BICRA: variants seen among roughly 807,000 people sequenced by gnomAD.
BICRA encodes the protein BRD4-interacting chromatin-remodeling complex-associated protein.
A neutral mutation model predicts 96.9 loss-of-function variants in BICRA; 31 were observed. The ratio of observed to expected loss-of-function variants is 0.32; its 90% confidence interval spans 0.24 to 0.43. The LOEUF is 0.43. Ranked by LOEUF, BICRA falls within the 20% of genes least tolerant of loss-of-function variation. The pLI is 1.00. For missense variants in BICRA, 2,283 were observed against 2,190.3 expected, an observed-to-expected ratio of 1.04 and a Z score of -0.84; for synonymous variants, 1,350 against 1,071.8, an observed-to-expected ratio of 1.26 and a Z score of -5.07.
In BICRA at chr19:47,702,262, C is replaced by G; in HGVS notation, c.4530C>G (p.Asn1510Lys). The G allele has an allele frequency of 6.3e-7, 1 of 1,597,890 alleles. No individual in the cohort carries two copies. Among genetic ancestry groups the G allele is most frequent in the Non-Finnish European group, 8.5e-7 (1 of 1,177,572 alleles). Residue 1510 changes from asparagine to lysine, a missense_variant, in exon 15 of 15, where the codon AAC becomes AAG. Physicochemically the swap from Asn to Lys is moderately conservative, Grantham distance 94 (BLOSUM62 0). Coordinates refer to ENST00000594866, the MANE Select transcript of BICRA (RefSeq NM_001394372.1). ...AGAGCGCCATCGACAGCATCCTGAA[C>G]CTGCAGCAGGCCCCCGGCCGGACGC... The part of the protein sequence containing the change: ...HLQSAIDSIL[N>K]LQQAPGRTPA...
At chr19:47,613,714 G>T (rs762380588) in intron 1 of BICRA, among the ~76,000 whole-genome samples, 3 of 152,060 alleles carry the variant, frequency 2.0e-5, no homozygotes, top group Non-Finnish European at 4.4e-5. Context: ...CATGGGGAGC[G>T]TTTGGTTGAG....
chr19:47,696,665 A>G (rs962555767), intron 11 of BICRA, among the ~76,000 whole-genome samples, 153 bp downstream of exon 11: 2 of 152,136 alleles, frequency 1.3e-5, no homozygotes, highest in Non-Finnish European at 2.9e-5. Flanking sequence ...ATAGACCCTC[A>G]GTTTCCCCCT....
At chr19:47,679,273 C>A (rs1025337677) in intron 5 of BICRA, 48 bp from the exon 6 acceptor site, 26 of 1,372,318 alleles carry the variant, frequency 1.9e-5, no homozygotes, top group Non-Finnish European at 2.5e-5. Flanking sequence ...CTAAGCGTAG[C>A]CCCTTGCTAA....
chr19:47,612,542 T>C (rs1422656442), intron 1 of BICRA, among the ~76,000 whole-genome samples: 2 of 152,120 alleles, frequency 1.3e-5, no homozygotes. Flanking sequence ...ACACGCACCC[T>C]CTGAGCGCTT....
At chr19:47,692,065 G>A (rs1305930703) in intron 7 of BICRA, among the ~76,000 whole-genome samples, 1 of 152,134 alleles carries the variant, frequency 6.6e-6, no homozygotes, top group South Asian at 2.1e-4. Context: ...TTGGAGTGCC[G>A]CTGCATGTGG....
chr19:47,668,987 C>G (rs2123570805), intron 1 of BICRA, among the ~76,000 whole-genome samples: 1 of 152,020 alleles, frequency 6.6e-6, no homozygotes, highest in African/African-American at 2.4e-5. Context: ...GTGCCTTATC[C>G]CAGCTACTCA....
intron 1 of BICRA, among the ~76,000 whole-genome samples, chr19:47,616,629 ACT>A (rs982938906): frequency 5.4e-5 from 8 of 148,344 alleles, no homozygotes; most frequent in African/African-American, 2.0e-4. Flanking sequence ...ACAGAGCAAG[ACT>A]CTGTCTCAAA....
intron 1 of BICRA, among the ~76,000 whole-genome samples, chr19:47,644,646 G>C (rs972127458): frequency 6.6e-6 from 1 of 151,600 alleles, no homozygotes; most frequent in African/African-American, 2.4e-5. Context: ...GATTACAGGC[G>C]CCCGCCACTA....
intron 1 of BICRA, among the ~76,000 whole-genome samples, chr19:47,664,729 G>T (rs1393068692): frequency 6.6e-6 from 1 of 152,228 alleles, no homozygotes; most frequent in Non-Finnish European, 1.5e-5. Flanking sequence ...CGTGGTGGCA[G>T]AGGCTGGCTT....
At chr19:47,614,584 C>T (rs987029865) in intron 1 of BICRA, among the ~76,000 whole-genome samples, 1 of 152,200 alleles carries the variant, frequency 6.6e-6, no homozygotes, top group Non-Finnish European at 1.5e-5. Context: ...GGTAGCACTG[C>T]ACTCCACTCC....
intron 1 of BICRA, among the ~76,000 whole-genome samples, chr19:47,654,029 C>T (rs765227708): frequency 1.3e-5 from 2 of 152,048 alleles, no homozygotes; most frequent in East Asian, 3.9e-4. Context: ...CATATGTTTT[C>T]GACTCTCTTG....
At chr19:47,613,705 A>G (rs777347114) in intron 1 of BICRA, among the ~76,000 whole-genome samples, 1 of 152,020 alleles carries the variant, frequency 6.6e-6, no homozygotes, top group Non-Finnish European at 1.5e-5. Flanking sequence ...CTAGAGACGC[A>G]TGGGGAGCGT....
intron 2 of BICRA, among the ~76,000 whole-genome samples, chr19:47,671,127 G>A (rs1250806452): frequency 3.3e-5 from 5 of 152,202 alleles, no homozygotes; most frequent in South Asian, 2.1e-4. Context: ...TGAAACATGC[G>A]TGTGTCATTA....
At chr19:47,667,295 G>T (rs957642125) in intron 1 of BICRA, among the ~76,000 whole-genome samples, 4 of 152,182 alleles carry the variant, frequency 2.6e-5, no homozygotes, top group African/African-American at 9.7e-5. Flanking sequence ...GATTACAGGC[G>T]TGAGCCACAG....
chr19:47,699,128 C>A lies in BICRA; in HGVS notation c.3492+69C>A, dbSNP rs1463754923. ...TGGGACACTGCCCCTTTCCCTCACCCGCTCTGGGCAAGGTGGAGCCTCCCG... is the reference window on the plus strand; with the variant it reads ...TGGGACACTGCCCCTTTCCCTCACCAGCTCTGGGCAAGGTGGAGCCTCCCG... On this transcript the variant is annotated intron_variant, in intron 13 of 14. Coordinates refer to ENST00000594866, the MANE Select transcript of BICRA (RefSeq NM_001394372.1). This position sits in a 1 kb window ranked among gnomAD's most constrained non-coding sequence, Gnocchi z 5.0. The A allele has an allele frequency of 2.5e-6, 3 of 1,177,016 alleles. No individual in the cohort carries two copies. Among genetic ancestry groups the A allele is most frequent in the Non-Finnish European group, 3.7e-6 (3 of 810,626 alleles). The allele number at this position is 1,177,016 out of a possible 1,614,324, so 72.9% of individuals were successfully genotyped here.
chr19:47,683,586 G>GTT (rs1481843081), intron 7 of BICRA, among the ~76,000 whole-genome samples: 1 of 128,584 alleles, frequency 7.8e-6, no homozygotes, highest in Admixed American at 8.5e-5. Context: ...GGAGGGCTAC[G>GTT]TTCTTTTTTT....
At position 47,680,877 on chromosome 19, in the gene BICRA, G is replaced by C. The variant is rs1002065322; in HGVS notation, c.1707G>C (p.Gln569His). The change falls in exon 6 of 15, where the codon CAG becomes CAC. Residue 569 changes from glutamine to histidine, a missense_variant. By Grantham distance (24) the Gln-to-His change is conservative. Transcript: ENST00000594866. ...VSLAAGSLPT[Q>H]SQPAPAGPAA... ...TGGCGGCGGGCAGCCTGCCCACGCAGAGCCAGCCAGCGCCCGCCGGGCCGG... is the reference window on the plus strand; with the variant it reads ...TGGCGGCGGGCAGCCTGCCCACGCACAGCCAGCCAGCGCCCGCCGGGCCGG... The C allele has an allele frequency of 3.3e-6, 5 of 1,493,690 alleles. No homozygotes were observed. Among genetic ancestry groups the C allele is most frequent in the Non-Finnish European group, 3.5e-6 (4 of 1,131,940 alleles). 92.5% of individuals were successfully genotyped at this position (1,493,690 alleles called of 1,614,324 possible).
At chr19:47,651,467 A>T (rs2123549038) in intron 1 of BICRA, among the ~76,000 whole-genome samples, 1 of 151,740 alleles carries the variant, frequency 6.6e-6, no homozygotes, top group South Asian at 2.1e-4. Flanking sequence ...GCCCTCCCCA[A>T]CCCATTCTTG....
Position 47,702,091 on chromosome 19 carries a change from C to T in BICRA, c.4359C>T (p.Ala1453=). ...MLKGPPPEPA[A]SAAQGTGDPD... is the part of the protein sequence containing the mutation. Reference sequence around the variant, plus strand: ...AGGGCCCCCCGCCAGAGCCCGCAGCCAGCGCCGCCCAAGGCACCGGGGACC... The same window carrying T: ...AGGGCCCCCCGCCAGAGCCCGCAGCTAGCGCCGCCCAAGGCACCGGGGACC... The change falls in exon 15 of 15, where the codon GCC becomes GCT. Residue 1453 remains alanine (A), a synonymous_variant. Transcript: ENST00000594866. 6.6e-7 allele frequency: 1 copy of T among 1,514,694 alleles called. No individual in the cohort carries two copies. Among genetic ancestry groups the T allele is most frequent in the Non-Finnish European group, 8.8e-7 (1 of 1,139,810 alleles). 93.8% of individuals were successfully genotyped at this position (1,514,694 alleles called of 1,614,324 possible). A position where few individuals can be genotyped will look rare whatever the true frequency, so the allele number is the denominator to read the frequency against.
Sources: gnomAD v4.1 joint callset for allele counts (sites outside exome capture counted in the v4.1 genomes callset) on GRCh38, gnomAD v4.1.1 for gene constraint, Gnocchi (gnomAD v3.1) non-coding constraint, MANE v1.5 for transcripts, NCBI Gene and HGNC (gene_info 2026-07-23, HGNC 2026-07-21) for gene names.